Variants in ABCC8 observed in about 807,000 individuals in gnomAD.
ABCC8 encodes the protein ATP binding cassette subfamily C member 8, also known as ATP-binding cassette sub-family C member 8.
In ABCC8, 137 loss-of-function variants were observed where a neutral mutation model predicts 188.0. That is an observed-to-expected ratio of 0.73 (90% CI 0.63 to 0.84). The LOEUF is 0.84. Among genes scored for constraint, ABCC8 ranks in the 40% least tolerant of loss-of-function variants. ABCC8 has a pLI of 0.00. For synonymous variants in ABCC8, 797 were observed against 846.5 expected, an observed-to-expected ratio of 0.94 and a Z score of 1.01; for missense variants, 1,750 against 2,072.7, an observed-to-expected ratio of 0.84 and a Z score of 3.02.
At chr11:17,460,868 C>A in intron 5 of ABCC8, 192 bp from the exon 6 acceptor site, 1 of 1,177,260 alleles carries the variant, frequency 8.5e-7, no homozygotes, top group Non-Finnish European at 1.2e-6. Flanking sequence ...TCAACACCAA[C>A]ATGGTCTAGA....
At chr11:17,463,090 G>A (rs1189987803) in intron 4 of ABCC8, among the ~76,000 whole-genome samples, 1 of 152,096 alleles carries the variant, frequency 6.6e-6, no homozygotes, top group Non-Finnish European at 1.5e-5. Flanking sequence ...CCAGCGTGAC[G>A]ATATGAATAC....
chr11:17,426,600 G>A (rs181050785), intron 16 of ABCC8, among the ~76,000 whole-genome samples: 1 of 151,824 alleles, frequency 6.6e-6, no homozygotes, highest in East Asian at 1.9e-4. Flanking sequence ...TGGTGTGTAG[G>A]TCAGTGCAGC....
chr11:17,428,054 C>A (rs1253148922), intron 14 of ABCC8, 112 bp from the exon 15 acceptor site: 18 of 1,587,410 alleles, frequency 1.1e-5, no homozygotes, highest in Non-Finnish European at 1.5e-5. Flanking sequence ...TGATTCCAGC[C>A]CCTGGATCAC....
intron 8 of ABCC8, among the ~76,000 whole-genome samples, chr11:17,445,753 A>C (rs1184941336): frequency 6.6e-6 from 1 of 152,058 alleles, no homozygotes; most frequent in East Asian, 1.9e-4. Flanking sequence ...CTCCATGATA[A>C]ATGAGCAAAG....
chr11:17,428,391 C>T lies in ABCC8; in HGVS notation c.1938G>A (p.Val646=), dbSNP rs1591797830. ...SKYQAVPLRV[V]NRKRPAREDC... is the part of the protein sequence containing the mutation. ...CCTCCCGGGCTGGACGCTTGCGGTT[C>T]ACAACCCTGAGGGGCTGGGGGTGGT... Residue 646 remains valine, a synonymous_variant, in exon 14 of 39, where the codon GTG becomes GTA. Coordinates refer to ENST00000389817, the MANE Select transcript of ABCC8 (RefSeq NM_000352.6). 1.9e-6 allele frequency: 3 copies of T among 1,613,636 alleles called. No individual in the cohort carries two copies. The highest frequency in any genetic ancestry group is 2.5e-6 in the Non-Finnish European group (3 of 1,179,696).
intron 8 of ABCC8, among the ~76,000 whole-genome samples, chr11:17,445,085 C>T (rs779023147): frequency 1.2e-4 from 18 of 152,192 alleles, no homozygotes; most frequent in Non-Finnish European, 2.5e-4. Flanking sequence ...TGGTTCACTG[C>T]GTGGCCCAGG....
intron 10 of ABCC8, among the ~76,000 whole-genome samples, chr11:17,438,665 A>T (rs1483053004): frequency 6.6e-6 from 1 of 152,220 alleles, no homozygotes; most frequent in East Asian, 1.9e-4. Context: ...TGACTTCTAA[A>T]GGAAGAGACC....
rs181801612 is a variant in ABCC8 at position 17,394,860 on chromosome 11, G to T, written c.4411+312C>A. 2.4e-3 allele frequency among the ~76,000 whole-genome samples: 370 copies of T among 152,318 alleles called. 4 individuals carry two copies. Among genetic ancestry groups the T allele is most frequent in the African/African-American group, 7.8e-3 (323 of 41,568 alleles). Reference sequence around the variant, plus strand: ...CCCTAAGGCAGAACTGGGCATGCAGGTGGATGGGGCAGGGCAGGGCTGAAG... The same window carrying T: ...CCCTAAGGCAGAACTGGGCATGCAGTTGGATGGGGCAGGGCAGGGCTGAAG... On this transcript the variant is annotated intron_variant, in intron 36 of 38. Transcript: ENST00000389817.
rs146679656 is a variant in ABCC8, at chr11:17,460,725, C to T, written c.823-49G>A. 5.0e-3 allele frequency: 7,968 copies of T among 1,599,150 alleles called. 120 individuals are homozygous for T. The highest frequency in any genetic ancestry group is 0.042 in the Middle Eastern group (188 of 4,484). On this transcript the variant is annotated intron_variant, in intron 5 of 38. Coordinates refer to ENST00000389817, the MANE Select transcript of ABCC8 (RefSeq NM_000352.6). ...GTCAGAGTGCCTGAGGGCTAATTCA[C>T]GGCTGGGCCTAGCCTCCCAGGATGC...
chr11:17,405,360 C>A, intron 27 of ABCC8, 134 bp downstream of exon 27: 1 of 1,393,938 alleles, frequency 7.2e-7, no homozygotes, highest in South Asian at 1.2e-5. Flanking sequence ...GCATTATAAT[C>A]GGATCGGGGA....
At chr11:17,458,174 C>A (rs773207240) in intron 6 of ABCC8, among the ~76,000 whole-genome samples, 1 of 152,084 alleles carries the variant, frequency 6.6e-6, no homozygotes, top group Non-Finnish European at 1.5e-5. Context: ...GTTTCTGTGT[C>A]GGAAATTTTC....
chr11:17,425,356 G>A (rs191678876), intron 16 of ABCC8, among the ~76,000 whole-genome samples: 87 of 152,302 alleles, frequency 5.7e-4, no homozygotes, highest in African/African-American at 2.0e-3. Flanking sequence ...AAACGGGGGT[G>A]CATGTTGATA....
At chr11:17,466,941 C>T (rs999055213) in intron 3 of ABCC8, among the ~76,000 whole-genome samples, 2 of 152,062 alleles carry the variant, frequency 1.3e-5, no homozygotes, top group African/African-American at 2.4e-5. Flanking sequence ...GCTGGGATTA[C>T]AGGCATGAGC....
intron 10 of ABCC8, among the ~76,000 whole-genome samples, chr11:17,441,982 A>AC (rs1956334188): frequency 6.6e-6 from 1 of 152,154 alleles, no homozygotes; most frequent in African/African-American, 2.4e-5. Context: ...TGGGAGGCTG[A>AC]GGCAGGAGAA....
intron 1 of ABCC8, among the ~76,000 whole-genome samples, chr11:17,475,719 C>T (rs566955515): frequency 6.6e-6 from 1 of 152,352 alleles, no homozygotes; most frequent in South Asian, 2.1e-4. Flanking sequence ...TCTGCAGCAA[C>T]CTCTTGTAAA....
intron 23 of ABCC8, among the ~76,000 whole-genome samples, chr11:17,407,976 C>T (rs1350081408): frequency 2.0e-5 from 3 of 152,142 alleles, no homozygotes; most frequent in Non-Finnish European, 4.4e-5. Context: ...TTGAGGGGAG[C>T]AGAGTCAAGA....
intron 16 of ABCC8, among the ~76,000 whole-genome samples, chr11:17,425,245 T>C (rs780096615): frequency 2.6e-5 from 4 of 152,080 alleles, no homozygotes; most frequent in Non-Finnish European, 4.4e-5. Context: ...TGGGAGGTGA[T>C]GGGAAACCCA....
intron 4 of ABCC8, among the ~76,000 whole-genome samples, chr11:17,462,790 T>C (rs1259668759): frequency 1.8e-5 from 2 of 113,894 alleles, no homozygotes; most frequent in Non-Finnish European, 3.5e-5. Flanking sequence ...AAAAGCACAG[T>C]GCAGAAAACT....
chr11:17,433,122 C>T (rs1252861479), intron 10 of ABCC8, among the ~76,000 whole-genome samples: 2 of 152,192 alleles, frequency 1.3e-5, no homozygotes, highest in African/African-American at 4.8e-5. Flanking sequence ...CAGGTCACCC[C>T]TCCTCTGGCC....
Sources: gnomAD v4.1 joint callset for allele counts (sites outside exome capture counted in the v4.1 genomes callset) on GRCh38, gnomAD v4.1.1 for gene constraint, MANE v1.5 for transcripts, NCBI Gene and HGNC (gene_info 2026-07-23, HGNC 2026-07-21) for gene names.